ADGB: variants seen among roughly 807,000 people sequenced by gnomAD.
ADGB encodes the protein calpain-7-like protein.
A neutral mutation model predicts 210.5 loss-of-function variants in ADGB; 172 were observed. The observed-to-expected ratio is 0.82, with a 90% CI of 0.72 to 0.93. The LOEUF (loss-of-function observed/expected upper bound fraction) is 0.93, where lower values mean the gene tolerates loss of function less well. Among genes scored for constraint, ADGB ranks in the 40% least tolerant of loss-of-function variants. The probability of loss-of-function intolerance (pLI) is 0.00; values close to 1 mark genes in which losing one functional copy is unlikely to be tolerated. For missense variants in ADGB, 2,025 were observed against 1,964.8 expected (o/e 1.03, Z -0.58); for synonymous variants, 658 against 662.7 (o/e 0.99, Z 0.11).
chr6:146,733,770 AT>A (rs1284700672), intron 21 of ADGB, 122 bp from the exon 22 acceptor site: 1 of 1,061,046 alleles, frequency 9.4e-7, no homozygotes, highest in East Asian at 2.6e-5. Context: ...AATATTAAAT[AT>A]GATGCTAACT....
chr6:146,734,936 A>C (rs1777057515), intron 22 of ADGB, among the ~76,000 whole-genome samples: 1 of 152,046 alleles, frequency 6.6e-6, no homozygotes, highest in Admixed American at 6.6e-5. Context: ...AAAACAAAAA[A>C]TATATATTCA....
At chr6:146,729,286 A>G (rs1012137196) in intron 20 of ADGB, among the ~76,000 whole-genome samples, 12 of 152,234 alleles carry the variant, frequency 7.9e-5, no homozygotes, top group African/African-American at 2.9e-4. Context: ...TAACACTCAC[A>G]CTATTGACAT....
At chr6:146,697,105 T>C (rs1008490220) in intron 12 of ADGB, among the ~76,000 whole-genome samples, 5 of 151,308 alleles carry the variant, frequency 3.3e-5, no homozygotes, top group Admixed American at 3.3e-4. Context: ...TGAAGAACAA[T>C]GAAGAGAAAG....
At chr6:146,735,216 G>T (rs1243321961) in intron 22 of ADGB, among the ~76,000 whole-genome samples, 5 of 152,078 alleles carry the variant, frequency 3.3e-5, no homozygotes, top group African/African-American at 1.2e-4. Flanking sequence ...CTCAATATAG[G>T]ATGTCTTGCT....
chr6:146,737,206 AAG>A (rs1777092080), intron 23 of ADGB, among the ~76,000 whole-genome samples: 1 of 152,284 alleles, frequency 6.6e-6, no homozygotes, highest in Admixed American at 6.5e-5. Context: ...AATAATAAAA[AAG>A]AGAAAATAGA....
chr6:146,811,774 T>A (rs1339572795), intron 35 of ADGB, among the ~76,000 whole-genome samples: 2 of 152,006 alleles, frequency 1.3e-5, no homozygotes, highest in Non-Finnish European at 2.9e-5. Flanking sequence ...CAGGTTCAAG[T>A]GATTTTCCTG....
chr6:146,770,776 C>A (rs779673828), intron 29 of ADGB, among the ~76,000 whole-genome samples: 20 of 152,092 alleles, frequency 1.3e-4, no homozygotes, highest in Admixed American at 5.9e-4. Flanking sequence ...CTTTGCTGTT[C>A]GTGTGTGGTA....
Position 146,724,201 on chromosome 6 carries a change from G to A in ADGB, c.2111G>A (p.Ser704Asn), listed in dbSNP as rs1358479337. The A allele has an allele frequency of 6.5e-7, 1 of 1,547,966 alleles. No individual in the cohort carries two copies. The highest frequency in any genetic ancestry group is 8.7e-7 in the Non-Finnish European group (1 of 1,145,942). The stretch of plus-strand genomic sequence containing the variant: ...TATCTTAAAGCCTTAACAAAAGACA[G>A]TCCTCCCATAGAGCCTGGACTTCTC... ...WGEYGALTKDSPPIEPGLLTA... is the reference protein window; with the variant it reads ...WGEYGALTKDNPPIEPGLLTA... Residue 704 changes from serine (S) to asparagine (N), a missense_variant, in exon 18 of 36, where the codon AGT becomes AAT. By Grantham distance (46) the Ser-to-Asn change is conservative (BLOSUM62 1). Transcript: ENST00000397944.
At chr6:146,635,574 T>A (rs950262988) in intron 2 of ADGB, 37 bp downstream of exon 2, 1 of 1,464,102 alleles carries the variant, frequency 6.8e-7, no homozygotes, top group Non-Finnish European at 9.1e-7. Context: ...TTCATTTTGG[T>A]TTTTAATTTT....
intron 33 of ADGB, among the ~76,000 whole-genome samples, chr6:146,793,614 A>G (rs939563327): frequency 2.0e-5 from 3 of 152,192 alleles, no homozygotes; most frequent in Admixed American, 1.3e-4. Context: ...GAGGAAATAA[A>G]TTTGACAAGG....
intron 12 of ADGB, among the ~76,000 whole-genome samples, chr6:146,695,847 A>T (rs1039005677): frequency 6.6e-6 from 1 of 152,040 alleles, no homozygotes; most frequent in Non-Finnish European, 1.5e-5. Flanking sequence ...TGAAAAGCTC[A>T]TTCATTCATA....
At position 146,717,618 on chromosome 6, in the gene ADGB, T is replaced by C. The variant is rs752859195; in HGVS notation, c.1992+19T>C. On this transcript the variant is annotated intron_variant, in intron 16 of 35. Transcript: ENST00000397944. ...ATTTAAGGTAAGTATGTTAGAATCT[T>C]TTCTATTCTCTTTAAATTTTTGGTA... 9.1e-6 allele frequency: 12 copies of C among 1,315,020 alleles called. 1 individual carries two copies. The South Asian group carries it at 1.3e-4, about 14-fold the overall frequency. 81.5% of individuals were successfully genotyped at this position (1,315,020 alleles called of 1,614,324 possible). A position where few individuals can be genotyped will look rare whatever the true frequency, so the allele number is the denominator to read the frequency against.
At position 146,631,988 on chromosome 6, in the gene ADGB, C is replaced by A. The variant is rs916084027; in HGVS notation, c.75-3387C>A. Among the ~76,000 whole-genome samples, 33 of 151,018 alleles carry A rather than the reference C, an allele frequency of 2.2e-4. 1 individual carries two copies. The highest frequency in any genetic ancestry group is 1.2e-4 in the Non-Finnish European group (8 of 67,784). ...TAAAAAAAAAAAAAAACAAAAAAAA[C>A]CTTCACTTGGTTTCCAAGGTATCGC... is the stretch of plus-strand genomic sequence containing the variant. On this transcript the variant is annotated intron_variant, in intron 1 of 35. Coordinates refer to ENST00000397944, the MANE Select transcript of ADGB (RefSeq NM_024694.4).
Position 146,782,199 on chromosome 6 carries a change from G to A in ADGB, c.4035+7G>A. 2 of 1,512,470 alleles carry A rather than the reference G, an allele frequency of 1.3e-6. No homozygotes were observed. Among genetic ancestry groups the A allele is most frequent in the East Asian group, 2.5e-5 (1 of 40,218 alleles). 93.7% of individuals were successfully genotyped at this position (1,512,470 alleles called of 1,614,324 possible). Reference sequence around the variant, plus strand: ...ACCTCGCTTTGAGCCTCAGGTGGGTGTGGAATTTTTTTTATTTGAGTGACT... The same window carrying A: ...ACCTCGCTTTGAGCCTCAGGTGGGTATGGAATTTTTTTTATTTGAGTGACT... On this transcript the variant is annotated splice_region_variant and intron_variant, in intron 30 of 35. Coordinates refer to ENST00000397944, the MANE Select transcript of ADGB (RefSeq NM_024694.4).
chr6:146,745,748 T>C (rs1777222217), intron 25 of ADGB, among the ~76,000 whole-genome samples, 174 bp from the exon 26 acceptor site: 1 of 152,226 alleles, frequency 6.6e-6, no homozygotes, highest in South Asian at 2.1e-4. Context: ...CTTTGTAGGA[T>C]AGTGCTTTCT....
Position 146,784,763 on chromosome 6 carries a change from G to A in ADGB, c.4181G>A (p.Trp1394Ter). The A allele has an allele frequency of 6.5e-7, 1 of 1,550,232 alleles. No individual in the cohort carries two copies. Among genetic ancestry groups the A allele is most frequent in the Non-Finnish European group, 8.7e-7 (1 of 1,146,422 alleles). ...GAAATCCGAGCCATGAAACAAGCCT[G>A]GGAGACAACTGAGCCAGGAAGAGCA... ...ADEIRAMKQA[W>*]ETTEPGRAIK... The change falls in exon 31 of 36, where the codon TGG becomes TAG. Residue 1394 changes from tryptophan to a stop codon, truncating the protein, a stop_gained. Coordinates refer to ENST00000397944, the MANE Select transcript of ADGB (RefSeq NM_024694.4). LOFTEE classifies it high-confidence loss of function.
chr6:146,741,141 A>C lies in ADGB; in HGVS notation c.3047A>C (p.Asp1016Ala). Residue 1016 changes from aspartate to alanine, a missense_variant, in exon 25 of 36, where the codon GAC becomes GCC. Physicochemically the swap from Asp to Ala is moderately radical, Grantham distance 126. Transcript: ENST00000397944. ...VFRETFLVHQDMILVPKVYTT... is the reference protein window; with the variant it reads ...VFRETFLVHQAMILVPKVYTT... Reference sequence around the variant, plus strand: ...AGAGAAACATTTTTGGTTCATCAAGACATGATTTTGGTTCCCAAAGTATAT... The same window carrying C: ...AGAGAAACATTTTTGGTTCATCAAGCCATGATTTTGGTTCCCAAAGTATAT... The C allele has an allele frequency of 6.5e-7, 1 of 1,532,042 alleles. No homozygotes were observed. Among genetic ancestry groups the C allele is most frequent in the Non-Finnish European group, 8.8e-7 (1 of 1,138,844 alleles). The allele number at this position is 1,532,042 out of a possible 1,614,324, so 94.9% of individuals were successfully genotyped here.
At chr6:146,693,936 C>T (rs1050647887) in intron 12 of ADGB, among the ~76,000 whole-genome samples, 6 of 152,080 alleles carry the variant, frequency 3.9e-5, no homozygotes, top group Non-Finnish European at 8.8e-5. Flanking sequence ...TCAAAATGGC[C>T]TTTACTATCC....
Position 146,746,033 on chromosome 6 carries a change from G to A in ADGB, c.3289G>A (p.Asp1097Asn), listed in dbSNP as rs1464792202. Residue 1097 changes from aspartate to asparagine, a missense_variant, in exon 26 of 36, where the codon GAC (aspartate) becomes AAC (asparagine). Asp to Asn is a conservative substitution (Grantham distance 23). Transcript: ENST00000397944. ...SSAPLPCLSR[D>N]SPCNSFAIKE... ...TGCTCCACTGCCATGCCTCTCTCGA[G>A]ACTCTCCATGCAATTCCTTTGCCAT... The A allele has an allele frequency of 6.4e-7, 1 of 1,551,172 alleles. No individual in the cohort carries two copies. Among genetic ancestry groups the A allele is most frequent in the South Asian group, 1.2e-5 (1 of 84,038 alleles).
Sources: gnomAD v4.1 joint callset for allele counts (sites outside exome capture counted in the v4.1 genomes callset) on GRCh38, gnomAD v4.1.1 for gene constraint, MANE v1.5 for transcripts, NCBI Gene and HGNC (gene_info 2026-07-23, HGNC 2026-07-21) for gene names.